Variants in EEFSEC observed in about 807,000 individuals in gnomAD.
EEFSEC encodes the protein eukaryotic elongation factor, selenocysteine-tRNA specific, also known as selenocysteine-specific elongation factor.
A neutral mutation model predicts 42.1 loss-of-function variants in EEFSEC; 43 were observed. That is an observed-to-expected ratio of 1.02 (90% CI 0.80 to 1.32). The LOEUF is 1.32. Ranked by LOEUF, EEFSEC falls within the 40% of genes most tolerant of loss-of-function variation. The pLI, the probability that EEFSEC is intolerant of heterozygous loss-of-function variation, is 0.00. For synonymous variants in EEFSEC, 354 were observed against 339.1 expected (o/e 1.04, Z -0.48); for missense variants, 745 against 803.6 (o/e 0.93, Z 0.88).
intron 4 of EEFSEC, 129 bp from the exon 5 acceptor site, chr3:128,341,104 C>T: frequency 2.6e-6 from 3 of 1,145,714 alleles, no homozygotes; most frequent in Non-Finnish European, 3.7e-6. Context: ...CCCCAGACCC[C>T]CCTTGGCTGG....
chr3:128,165,077 A>T (rs2065230601), intron 1 of EEFSEC, among the ~76,000 whole-genome samples: 1 of 152,146 alleles, frequency 6.6e-6, no homozygotes, highest in Non-Finnish European at 1.5e-5. Flanking sequence ...GAAAGAATGG[A>T]CTTTTGGAGA....
intron 1 of EEFSEC, among the ~76,000 whole-genome samples, chr3:128,235,447 A>G (rs2065998747): frequency 6.9e-6 from 1 of 145,060 alleles, no homozygotes; most frequent in African/African-American, 2.6e-5. Context: ...TTAAAGGTAC[A>G]AAAAGGTACA....
At chr3:128,342,223 T>A (rs1039041337) in intron 5 of EEFSEC, among the ~76,000 whole-genome samples, 3 of 152,234 alleles carry the variant, frequency 2.0e-5, no homozygotes, top group African/African-American at 7.2e-5. Context: ...CAGTGTCAGA[T>A]GGCAGCGGTT....
At chr3:128,315,221 G>A (rs2108026847) in intron 4 of EEFSEC, among the ~76,000 whole-genome samples, 1 of 152,292 alleles carries the variant, frequency 6.6e-6, no homozygotes, top group Admixed American at 6.5e-5. Flanking sequence ...TGCCTCATTG[G>A]TAGTGGAGAT....
downstream of EEFSEC, among the ~76,000 whole-genome samples, chr3:128,409,672 C>T (rs1014374310): frequency 6.6e-6 from 1 of 152,172 alleles, no homozygotes; most frequent in African/African-American, 2.4e-5. Flanking sequence ...CTGCAGGCTG[C>T]GGGTGCCAGG....
chr3:128,332,822 GT>G (rs2067148529), intron 4 of EEFSEC, among the ~76,000 whole-genome samples: 2 of 152,232 alleles, frequency 1.3e-5, no homozygotes, highest in Non-Finnish European at 2.9e-5. Context: ...TGTGTGAGAT[GT>G]GATTAAATGC....
At chr3:128,259,101 A>G (rs1348150798) in intron 2 of EEFSEC, among the ~76,000 whole-genome samples, 1 of 152,200 alleles carries the variant, frequency 6.6e-6, no homozygotes, top group Non-Finnish European at 1.5e-5. Context: ...TGATGAGAAG[A>G]TGGGGATTGG....
downstream of EEFSEC, among the ~76,000 whole-genome samples, chr3:128,412,183 G>A (rs2068178372): frequency 6.6e-6 from 1 of 152,234 alleles, no homozygotes; most frequent in African/African-American, 2.4e-5. Flanking sequence ...CAAAGGGCAT[G>A]CAGGTTAGTG....
intron 2 of EEFSEC, among the ~76,000 whole-genome samples, chr3:128,254,047 AT>A (rs1284101699): frequency 3.9e-5 from 6 of 152,340 alleles, no homozygotes; most frequent in African/African-American, 1.4e-4. Context: ...GGCCAGTTGA[AT>A]TAAGCTCCTC....
At chr3:128,334,644 G>T (rs16844002) in intron 4 of EEFSEC, among the ~76,000 whole-genome samples, 26,536 of 152,232 alleles carry the variant, frequency 0.17, 3,069 homozygotes, top group African/African-American at 0.33. Flanking sequence ...GGATGGCAAA[G>T]CTTCTTTGTT....
chr3:128,229,611 G>A (rs1337997215), intron 1 of EEFSEC, among the ~76,000 whole-genome samples: 2 of 152,196 alleles, frequency 1.3e-5, no homozygotes. Context: ...CCTTTCTAGC[G>A]AAAACTCCAG....
At chr3:128,212,038 T>C (rs2107834052) in intron 1 of EEFSEC, among the ~76,000 whole-genome samples, 1 of 151,844 alleles carries the variant, frequency 6.6e-6, no homozygotes, top group South Asian at 2.1e-4. Flanking sequence ...TTTTTTTGTA[T>C]TTTTAGTAGA....
intron 6 of EEFSEC, among the ~76,000 whole-genome samples, chr3:128,376,380 C>T (rs1442301920): frequency 2.6e-5 from 4 of 152,240 alleles, no homozygotes; most frequent in Non-Finnish European, 5.9e-5. Context: ...ATCACCCTAA[C>T]CTGCACAGCC....
At chr3:128,393,594 T>C (rs1340591414) in intron 6 of EEFSEC, among the ~76,000 whole-genome samples, 1 of 152,210 alleles carries the variant, frequency 6.6e-6, no homozygotes, top group Non-Finnish European at 1.5e-5. Context: ...CCAGCCACAA[T>C]GCAGGATCTG....
the EEFSEC span, among the ~76,000 whole-genome samples, chr3:128,421,840 G>A: frequency 1.3e-5 from 2 of 152,130 alleles, no homozygotes; most frequent in Non-Finnish European, 2.9e-5. Context: ...TCTCAGCCCC[G>A]GTTACCCTGG....
At chr3:128,259,178 C>T (rs2066272606) in intron 2 of EEFSEC, among the ~76,000 whole-genome samples, 1 of 152,208 alleles carries the variant, frequency 6.6e-6, no homozygotes, top group African/African-American at 2.4e-5. Context: ...TTCTGCCACT[C>T]CCACTGTGTT....
intron 1 of EEFSEC, among the ~76,000 whole-genome samples, chr3:128,215,587 T>A: frequency 6.6e-6 from 1 of 152,190 alleles, no homozygotes; most frequent in East Asian, 1.9e-4. Flanking sequence ...ACTGCATTGT[T>A]AAAACATGGG....
chr3:128,417,516 A>G, the EEFSEC span, among the ~76,000 whole-genome samples: 1 of 151,854 alleles, frequency 6.6e-6, no homozygotes, highest in African/African-American at 2.4e-5. The surrounding 1 kb of genome is among the most constrained non-coding windows in gnomAD (Gnocchi z 4.3). Context: ...CCTTCTTTCT[A>G]GCTGGGCTCT....
In EEFSEC at chr3:128,247,539, G is replaced by A. The variant is rs181954675; in HGVS notation, c.524+496G>A. On this transcript the variant is annotated intron_variant, in intron 2 of 6. Transcript: ENST00000254730. Reference sequence around the variant, plus strand: ...TAGATGACTGGTTGTTTCTGTTACAGAAGCTTGTAAGATTGGGTGGACAGA... The same window carrying A: ...TAGATGACTGGTTGTTTCTGTTACAAAAGCTTGTAAGATTGGGTGGACAGA... 4.2e-3 allele frequency among the ~76,000 whole-genome samples: 638 copies of A among 152,344 alleles called. 4 individuals carry two copies. Among genetic ancestry groups the A allele is most frequent in the Middle Eastern group, 0.01 (3 of 294 alleles).
Sources: allele counts gnomAD v4.1 joint callset (sites outside exome capture counted in the v4.1 genomes callset), GRCh38; gene constraint gnomAD v4.1.1; non-coding constraint Gnocchi (gnomAD v3.1); transcripts MANE v1.5; gene names NCBI Gene and HGNC (gene_info 2026-07-23, HGNC 2026-07-21).